LRGUK: variants seen among roughly 807,000 people sequenced by gnomAD.
LRGUK encodes leucine rich repeats and guanylate kinase domain containing.
In LRGUK, 65 loss-of-function variants were observed where a neutral mutation model predicts 76.0. The ratio of observed to expected loss-of-function variants is 0.85; its 90% CI spans 0.70 to 1.05. The LOEUF is 1.05. Ranked by LOEUF, LRGUK falls within the 50% of genes least tolerant of loss-of-function variation. The pLI is 0.00. For missense variants in LRGUK, 758 were observed against 732.8 expected, an observed-to-expected ratio of 1.03 and a Z score of -0.40; for synonymous variants, 268 against 265.6, an observed-to-expected ratio of 1.01 and a Z score of -0.09.
chr7:134,269,268 T>G (rs73441394), downstream of LRGUK, among the ~76,000 whole-genome samples: 2,716 of 152,144 alleles, frequency 0.018, 92 homozygotes, highest in African/African-American at 0.063. Flanking sequence ...TTACAGATTT[T>G]CCTGTTAACC....
intron 5 of LRGUK, among the ~76,000 whole-genome samples, chr7:134,153,764 C>T (rs1017360087): frequency 2.6e-4 from 40 of 152,252 alleles, no homozygotes; most frequent in Non-Finnish European, 5.0e-4. Flanking sequence ...GAGAGATTTT[C>T]TCCTATAGTG....
At chr7:134,144,409 G>C (rs1407841855) in intron 4 of LRGUK, among the ~76,000 whole-genome samples, 2 of 152,164 alleles carry the variant, frequency 1.3e-5, no homozygotes, top group Non-Finnish European at 2.9e-5. Context: ...AAAGTGCTAG[G>C]ATTACAGGTG....
At chr7:134,198,282 T>C (rs1354721182) in intron 13 of LRGUK, among the ~76,000 whole-genome samples, 1 of 152,208 alleles carries the variant, frequency 6.6e-6, no homozygotes, top group Non-Finnish European at 1.5e-5. Context: ...AATTAATGCA[T>C]TTTTGAGTCC....
chr7:134,225,771 G>T (rs148514221), intron 16 of LRGUK, among the ~76,000 whole-genome samples: 9 of 152,272 alleles, frequency 5.9e-5, no homozygotes, highest in African/African-American at 2.2e-4. Flanking sequence ...AGATCTCATA[G>T]GTTGTTAACC....
chr7:134,155,262 A>C (rs10488425), intron 5 of LRGUK, among the ~76,000 whole-genome samples: 19,722 of 152,124 alleles, frequency 0.13, 1,620 homozygotes, highest in East Asian at 0.33. Context: ...TCATATTCAT[A>C]TTTTGTTACA....
chr7:134,221,897 T>G (rs773423691), exon 16 of LRGUK: 47 of 1,594,416 alleles, frequency 2.9e-5, no homozygotes, highest in South Asian at 2.2e-4. Context: ...GGGCCAAACT[T>G]TCAGCCAAAA....
At chr7:134,247,618 C>A (rs1464746225) in exon 17 of LRGUK, 2 of 1,613,476 alleles carry the variant, frequency 1.2e-6, no homozygotes, top group South Asian at 1.1e-5. Flanking sequence ...GAAGGATACG[C>A]CCTGATCACA....
In LRGUK at chr7:134,143,182, TA is replaced by T. The variant is rs780863120; in HGVS notation, c.588+22del. The T allele has an allele frequency of 1.4e-6, 2 of 1,394,038 alleles. No homozygotes were observed. The highest frequency in any genetic ancestry group is 1.8e-4 in the Middle Eastern group (1 of 5,662). The allele number at this position is 1,394,038 out of a possible 1,614,324, so 86.4% of individuals were successfully genotyped here. ...CTCAAGGTAGACTTTATGAATACCT[TA>T]ATTACACATTAAGGGGTTTGCAAAA... On this transcript the variant is annotated intron_variant, in intron 4 of 15. Transcript: ENST00000645682.
intron 16 of LRGUK, among the ~76,000 whole-genome samples, chr7:134,236,467 A>G (rs564988255): frequency 6.6e-6 from 1 of 152,318 alleles, no homozygotes; most frequent in South Asian, 2.1e-4. Flanking sequence ...AGACTGTAGC[A>G]TCTCCCACAA....
At chr7:134,221,852 G>C (rs756761942) in exon 16 of LRGUK, 3 of 1,602,098 alleles carry the variant, frequency 1.9e-6, no homozygotes, top group Non-Finnish European at 2.6e-6. Context: ...GTGATTTCCT[G>C]CATTCTACAG....
downstream of LRGUK, among the ~76,000 whole-genome samples, chr7:134,267,004 C>G (rs1802868737): frequency 6.6e-6 from 1 of 152,124 alleles, no homozygotes; most frequent in Admixed American, 6.5e-5. Context: ...AAAGAACTGT[C>G]AACTTACAAT....
In LRGUK at chr7:134,133,748, A is replaced by AAGAT. The variant is rs887290424; in HGVS notation, c.298-3271_298-3268dup. On this transcript the variant is annotated intron_variant, in intron 1 of 15. Coordinates refer to ENST00000645682, the Ensembl canonical transcript of LRGUK. ...CCAGGGAACAAGGATCAGAGACTTG[A>AAGAT]AGATAGAGAGAAATTGAAATTGCGT... Among the ~76,000 whole-genome samples the AAGAT allele has an allele frequency of 7.9e-5, 12 of 152,150 alleles. 1 individual carries two copies. The highest frequency in any genetic ancestry group is 4.1e-4 in the South Asian group (2 of 4,830).
intron 13 of LRGUK, among the ~76,000 whole-genome samples, chr7:134,198,081 T>G (rs562237635): frequency 3.0e-4 from 15 of 50,214 alleles, no homozygotes; most frequent in Admixed American, 7.2e-4. Context: ...TTTGTGTTGG[T>G]ATAAGTGTTT....
At chr7:134,177,641 G>T (rs572284731) in intron 9 of LRGUK, among the ~76,000 whole-genome samples, 1 of 152,230 alleles carries the variant, frequency 6.6e-6, no homozygotes, top group South Asian at 2.1e-4. Context: ...TTAGTAGCTG[G>T]TGACAGCCAA....
At chr7:134,197,502 G>T (rs759850200) in intron 13 of LRGUK, among the ~76,000 whole-genome samples, 36 of 152,148 alleles carry the variant, frequency 2.4e-4, no homozygotes, top group Non-Finnish European at 2.4e-4. Flanking sequence ...TTACATAAAA[G>T]GTTGTAGATA....
intron 7 of LRGUK, among the ~76,000 whole-genome samples, chr7:134,169,790 T>C (rs184995066): frequency 5.3e-5 from 8 of 152,238 alleles, no homozygotes; most frequent in Non-Finnish European, 1.0e-4. Context: ...CATTTACTTA[T>C]TGAAATTTAT....
intron 16 of LRGUK, among the ~76,000 whole-genome samples, chr7:134,226,490 C>A (rs929180169): frequency 6.6e-6 from 1 of 152,080 alleles, no homozygotes; most frequent in African/African-American, 2.4e-5. Context: ...TTAAGGAAAC[C>A]AGTCTTATTT....
chr7:134,171,327 A>G (rs779905659), intron 7 of LRGUK, among the ~76,000 whole-genome samples: 10 of 151,960 alleles, frequency 6.6e-5, no homozygotes, highest in Non-Finnish European at 1.0e-4. Flanking sequence ...GCACAGATTT[A>G]TGTTTAAATG....
the LRGUK span, among the ~76,000 whole-genome samples, chr7:134,272,299 C>A: frequency 6.6e-6 from 1 of 152,132 alleles, no homozygotes; most frequent in Non-Finnish European, 1.5e-5. Context: ...TTGTATTATT[C>A]AAACCATTTA....
Sources: gnomAD v4.1 joint callset for allele counts (sites outside exome capture counted in the v4.1 genomes callset) on GRCh38, gnomAD v4.1.1 for gene constraint, MANE v1.5 for transcripts, NCBI Gene and HGNC (gene_info 2026-07-23, HGNC 2026-07-21) for gene names.